Variants in ZSCAN12 observed in about 807,000 individuals in gnomAD.
The protein encoded by ZSCAN12 is zinc finger and SCAN domain containing 12.
In ZSCAN12, 18 loss-of-function variants were observed where a neutral mutation model predicts 23.4. The ratio of observed to expected loss-of-function variants is 0.77; its 90% CI spans 0.53 to 1.14. The LOEUF is 1.14. ZSCAN12 is among the 50% of genes most tolerant of loss of function. The probability of loss-of-function intolerance (pLI) is 0.00; values close to 1 mark genes in which losing one functional copy is unlikely to be tolerated. For missense variants in ZSCAN12, 650 were observed against 735.0 expected (o/e 0.88, Z 1.34); for synonymous variants, 186 against 253.4 (o/e 0.73, Z 2.53).
intron 2 of ZSCAN12, among the ~76,000 whole-genome samples, chr6:28,397,201 C>T (rs1761154625): frequency 6.6e-6 from 1 of 152,070 alleles, no homozygotes; most frequent in African/African-American, 2.4e-5. Context: ...AGCAGCACCT[C>T]CCCAAGTTAT....
At chr6:28,380,617 AG>A (rs1554148942), downstream of ZSCAN12, 1 of 153,706 alleles carries the variant, frequency 6.5e-6, no homozygotes, top group Non-Finnish European at 1.5e-5. Flanking sequence ...TGGTTCTTCT[AG>A]GGGGAAAAGA....
chr6:28,379,388 T>G (rs2113948570), exon 5 of ZSCAN12: 1 of 152,202 alleles, frequency 6.6e-6, no homozygotes, highest in South Asian at 2.1e-4. Context: ...GATCACAAGG[T>G]CAGGAGTTCG....
At chr6:28,392,841 G>A in intron 3 of ZSCAN12, 61 bp downstream of exon 3, 1 of 1,520,026 alleles carries the variant, frequency 6.6e-7, no homozygotes, top group Non-Finnish European at 8.8e-7. Context: ...GTACAAAAAA[G>A]CCCCAATGTC....
intron 2 of ZSCAN12, 55 bp downstream of exon 2, chr6:28,397,949 C>A (rs1426856684): frequency 2.0e-6 from 3 of 1,490,462 alleles, no homozygotes; most frequent in Non-Finnish European, 2.7e-6. Flanking sequence ...TTCACTCTGG[C>A]CTAGAAATCC....
At position 28,387,953 on chromosome 6, in the gene ZSCAN12, C is replaced by T. The variant is rs1204300027; in HGVS notation, c.*2501G>A. Among the ~76,000 whole-genome samples, 2 of 152,140 alleles carry T rather than the reference C, an allele frequency of 1.3e-5. No individual in the cohort carries two copies. The highest frequency in any genetic ancestry group is 2.4e-5 in the African/African-American group (1 of 41,428). ...CCATCGTCTCAGTTTGCTGGCTCTC[C>T]GAATAAATCTGCTTTTCCTCGCACC... On this transcript the variant is annotated 3_prime_UTR_variant, in exon 4 of 4. Coordinates refer to ENST00000684592, the MANE Select transcript of ZSCAN12 (RefSeq NM_001163391.2).
At position 28,398,085 on chromosome 6, in the gene ZSCAN12, C is replaced by T; in HGVS notation, c.321G>A (p.Gln107=). ...ILPEELQAWV[Q]EQHPESGEEV... ...CCTCCCCACTCTCTGGATGCTGCTC[C>T]TGCACCCAGGCCTGGAGCTCCTCAG... The change falls in exon 2 of 4, where the codon CAG becomes CAA. Residue 107 remains glutamine (Q), a synonymous_variant. Transcript: ENST00000684592. 2 of 1,614,004 alleles carry T rather than the reference C, an allele frequency of 1.2e-6. No individual in the cohort carries two copies. The highest frequency in any genetic ancestry group is 2.2e-5 in the South Asian group (2 of 91,072).
Position 28,390,953 on chromosome 6 carries a change from T to A in ZSCAN12, c.1337A>T (p.Glu446Val). ...ACTCTGACTGAAGGATTTCCCACAT[T>A]CCTTACACTGATAGCATTTTTCTTT... ...HHKEKCYQCK[E>V]CGKSFSQSGL... is the part of the protein sequence containing the mutation. Residue 446 changes from glutamate (E) to valine (V), a missense_variant, in exon 4 of 4, where the codon GAA becomes GTA. By Grantham distance (121) the Glu-to-Val change is moderately radical. Coordinates refer to ENST00000684592, the MANE Select transcript of ZSCAN12 (RefSeq NM_001163391.2). 6.4e-7 allele frequency: 1 copy of A among 1,557,672 alleles called. No individual in the cohort carries two copies. The highest frequency in any genetic ancestry group is 8.7e-7 in the Non-Finnish European group (1 of 1,150,274).
At position 28,390,771 on chromosome 6, in the gene ZSCAN12, T is replaced by A. The variant is rs770859344; in HGVS notation, c.1519A>T (p.Thr507Ser). 1 of 1,606,014 alleles carries A rather than the reference T, an allele frequency of 6.2e-7. No individual in the cohort carries two copies. The highest frequency in any genetic ancestry group is 1.7e-5 in the Admixed American group (1 of 58,542). ...TGTTCCGTGAGGACTGATCTTTGAG[T>A]AAACGCCTTCCCACACTTATCACAT... ...YKCDKCGKAF[T>S]QRSVLTEHQR... Residue 507 changes from threonine to serine, a missense_variant, in exon 4 of 4, where the codon ACT (threonine) becomes TCT (serine). Physicochemically the swap from Thr to Ser is moderately conservative, Grantham distance 58 (BLOSUM62 1). Coordinates refer to ENST00000684592, the MANE Select transcript of ZSCAN12 (RefSeq NM_001163391.2).
chr6:28,397,930 T>A, intron 2 of ZSCAN12, 74 bp downstream of exon 2: 2 of 1,439,810 alleles, frequency 1.4e-6, no homozygotes, highest in South Asian at 3.1e-5. Flanking sequence ...TGTGAAAAAA[T>A]GGCTGTTCTT....
chr6:28,382,444 T>C (rs939053742), downstream of ZSCAN12: 10 of 1,527,546 alleles, frequency 6.5e-6, no homozygotes, highest in Admixed American at 2.2e-5. Context: ...GCCAGCCTGA[T>C]TCTTTGTTCT....
chr6:28,397,422 T>G (rs1206291527), intron 2 of ZSCAN12, among the ~76,000 whole-genome samples: 1 of 152,200 alleles, frequency 6.6e-6, no homozygotes, highest in Non-Finnish European at 1.5e-5. Flanking sequence ...AAAATCTCAA[T>G]TCCAGAGGTT....
rs548713154 is a variant in ZSCAN12, at chr6:28,386,521, A to C, written c.*3933T>G. ...CACACCACATCTATATGTTATCCAC[A>C]AAATGTACTCCTGACTTCATCACAA... On this transcript the variant is annotated 3_prime_UTR_variant, in exon 4 of 4. Transcript: ENST00000684592. 3.3e-5 allele frequency among the ~76,000 whole-genome samples: 5 copies of C among 152,352 alleles called. No individual in the cohort carries two copies. The South Asian group carries it at 1.0e-3, about 32-fold the overall frequency.
At chr6:28,379,356 C>G (rs983194529) in exon 5 of ZSCAN12, 3 of 152,160 alleles carry the variant, frequency 2.0e-5, no homozygotes, top group Non-Finnish European at 4.4e-5. Context: ...AATCCCTGAA[C>G]TTTGGGAGGC....
downstream of ZSCAN12, chr6:28,381,236 G>A (rs1280683274): frequency 6.6e-6 from 1 of 152,202 alleles, no homozygotes; most frequent in African/African-American, 2.4e-5. Context: ...GTTAAGGACA[G>A]TTAAAAGGAC....
At position 28,387,699 on chromosome 6, in the gene ZSCAN12, A is replaced by G. The variant is rs993577767; in HGVS notation, c.*2755T>C. ...TTTTAAAAACTAACTCTGGGATTAA[A>G]GAAGTATGTATAACAATTATGTTTT... On this transcript the variant is annotated 3_prime_UTR_variant, in exon 4 of 4. Transcript: ENST00000684592. 1.3e-5 allele frequency among the ~76,000 whole-genome samples: 2 copies of G among 152,258 alleles called. No homozygotes were observed. Among genetic ancestry groups the G allele is most frequent in the African/African-American group, 4.8e-5 (2 of 41,464 alleles).
rs1581787212 is a variant in ZSCAN12 at position 28,398,284 on chromosome 6, C to T, written c.122G>A (p.Ser41Asn). The T allele has an allele frequency of 6.2e-7, 1 of 1,604,352 alleles. No homozygotes were observed. Among genetic ancestry groups the T allele is most frequent in the African/African-American group, 1.3e-5 (1 of 74,694 alleles). Residue 41 changes from serine (S) to asparagine (N), a missense_variant, in exon 2 of 4, where the codon AGC becomes AAC. Physicochemically the swap from Ser to Asn is conservative, Grantham distance 46. Coordinates refer to ENST00000684592, the MANE Select transcript of ZSCAN12 (RefSeq NM_001163391.2). The stretch of plus-strand genomic sequence containing the variant: ...GAAGTACTGACGGAAGACCTCTCTG[C>T]TATGGGTGTTGTTTTTACGCAGGTC... Reference protein sequence around the residue: ...DWDLRKNNTHSREVFRQYFRQ... With the variant: ...DWDLRKNNTHNREVFRQYFRQ...
In ZSCAN12 at chr6:28,392,908, C is replaced by T; in HGVS notation, c.541G>A (p.Glu181Lys). 1 of 1,552,112 alleles carries T rather than the reference C, an allele frequency of 6.4e-7. No individual in the cohort carries two copies. Among genetic ancestry groups the T allele is most frequent in the Non-Finnish European group, 8.7e-7 (1 of 1,147,080 alleles). Residue 181 changes from glutamate to lysine, a missense_variant, in exon 3 of 4, where the codon GAG (glutamate) becomes AAG (lysine). Coordinates refer to ENST00000684592, the MANE Select transcript of ZSCAN12 (RefSeq NM_001163391.2). ...ATGGGTCTTTCTTCTTTACCTTGCT[C>T]CTGTTGGGATTCAAGTTCTGGAGAT... ...YESPELESQQEQVLDVETGNE... is the reference protein window; with the variant it reads ...YESPELESQQKQVLDVETGNE...
At chr6:28,382,660 T>G, downstream of ZSCAN12, 1 of 1,540,170 alleles carries the variant, frequency 6.5e-7, no homozygotes, top group Non-Finnish European at 8.8e-7. Context: ...GTTTACTTCT[T>G]TAGCCAAGAA....
rs1760536695 is a variant in ZSCAN12, at chr6:28,386,249, A to C, written c.*4205T>G. 6.6e-6 allele frequency among the ~76,000 whole-genome samples: 1 copy of C among 152,228 alleles called. No homozygotes were observed. The highest frequency in any genetic ancestry group is 6.5e-5 in the Admixed American group (1 of 15,288). ...ATGTCTTGTTTACCTTGAATCAATT[A>C]GAAAAGACAAGCCAGTCAATCTTAT... is the stretch of plus-strand genomic sequence containing the variant. On this transcript the variant is annotated 3_prime_UTR_variant, in exon 4 of 4. Coordinates refer to ENST00000684592, the MANE Select transcript of ZSCAN12 (RefSeq NM_001163391.2).
Sources: allele counts gnomAD v4.1 joint callset (sites outside exome capture counted in the v4.1 genomes callset), GRCh38; gene constraint gnomAD v4.1.1; transcripts MANE v1.5; gene names NCBI Gene and HGNC (gene_info 2026-07-23, HGNC 2026-07-21).